The following CMSS1 variants were observed in gnomAD, a reference collection of about 807,000 sequenced individuals.
The protein encoded by CMSS1 is cms1 ribosomal small subunit homolog, also known as protein CMSS1.
A neutral mutation model predicts 43.5 loss-of-function variants in CMSS1; 33 were observed. The observed-to-expected ratio is 0.76, with a 90% CI of 0.57 to 1.01. The LOEUF is 1.01. CMSS1 is among the 50% of genes least tolerant of loss of function. The pLI, the probability that CMSS1 is intolerant of heterozygous loss-of-function variation, is 0.00. For missense variants in CMSS1, 313 were observed against 326.4 expected (o/e 0.96, Z 0.32); for synonymous variants, 115 against 117.2 (o/e 0.98, Z 0.12).
At chr3:99,932,797 C>G (rs1210864911) in intron 1 of CMSS1, among the ~76,000 whole-genome samples, 2 of 152,196 alleles carry the variant, frequency 1.3e-5, no homozygotes, top group South Asian at 2.1e-4. Context: ...AGGCTGAAGC[C>G]CAGGAATTGC....
At chr3:99,981,823 A>G (rs1474922888) in intron 1 of CMSS1, among the ~76,000 whole-genome samples, 1 of 152,174 alleles carries the variant, frequency 6.6e-6, no homozygotes, top group Non-Finnish European at 1.5e-5. Context: ...ATATTAGGGA[A>G]GGTTCGTGAG....
At chr3:99,851,015 T>G in intron 1 of CMSS1, 1 of 1,611,840 alleles carries the variant, frequency 6.2e-7, no homozygotes, top group Non-Finnish European at 8.5e-7. Flanking sequence ...CTTTTCTCCT[T>G]TTCTTGCTCC....
intron 1 of CMSS1, among the ~76,000 whole-genome samples, chr3:100,130,321 G>A (rs1196710278): frequency 1.3e-5 from 2 of 152,182 alleles, no homozygotes; most frequent in Admixed American, 1.3e-4. Flanking sequence ...ATGTTTCAGT[G>A]CACTACGTAG....
chr3:100,178,097 C>T (rs1275314244), intron 9 of CMSS1, among the ~76,000 whole-genome samples: 2 of 152,104 alleles, frequency 1.3e-5, no homozygotes, highest in Non-Finnish European at 2.9e-5. Flanking sequence ...CCAGCATGGG[C>T]AACAGAATGG....
chr3:99,943,114 G>A (rs1486049694), intron 1 of CMSS1, among the ~76,000 whole-genome samples: 1 of 152,128 alleles, frequency 6.6e-6, no homozygotes, highest in African/African-American at 2.4e-5. Flanking sequence ...GGCAAAGCCT[G>A]TTTCTTTAAA....
At position 100,030,545 on chromosome 3, in the gene CMSS1, G is replaced by A. The variant is rs527541359; in HGVS notation, c.65-116428G>A. Among the ~76,000 whole-genome samples, 16 of 152,110 alleles carry A rather than the reference G, an allele frequency of 1.1e-4. No individual in the cohort carries two copies. In the South Asian group the frequency reaches 2.3e-3, roughly 22 times the overall value. On this transcript the variant is annotated intron_variant, in intron 1 of 9. Coordinates refer to ENST00000421999, the MANE Select transcript of CMSS1 (RefSeq NM_032359.4). ...GTCTTTTCTCAGAACCTGTTTTCCCGTTGAGAGCACCTGTTCCAAAGTTGC... is the reference window on the plus strand; with the variant it reads ...GTCTTTTCTCAGAACCTGTTTTCCCATTGAGAGCACCTGTTCCAAAGTTGC...
intron 1 of CMSS1, among the ~76,000 whole-genome samples, chr3:100,130,676 T>C (rs951557389): frequency 1.3e-5 from 2 of 152,210 alleles, no homozygotes; most frequent in African/African-American, 4.8e-5. Context: ...TGTTTTGTTG[T>C]AATATAGCTA....
Position 100,116,468 on chromosome 3 carries a change from A to G in CMSS1, c.65-30505A>G, listed in dbSNP as rs551156769. Among the ~76,000 whole-genome samples, 3 of 152,274 alleles carry G rather than the reference A, an allele frequency of 2.0e-5. No individual in the cohort carries two copies. The South Asian group carries it at 6.2e-4, about 32-fold the overall frequency. ...TGGCACAAGAAAATGTTCCATAAGCATCTTGTACTTTCTGTGCCCAACTCT... is the reference window on the plus strand; with the variant it reads ...TGGCACAAGAAAATGTTCCATAAGCGTCTTGTACTTTCTGTGCCCAACTCT... On this transcript the variant is annotated intron_variant, in intron 1 of 9. Transcript: ENST00000421999.
intron 1 of CMSS1, among the ~76,000 whole-genome samples, chr3:100,113,138 A>G (rs1332094310): frequency 6.6e-6 from 1 of 152,244 alleles, no homozygotes; most frequent in Non-Finnish European, 1.5e-5. Flanking sequence ...GAATAAAGAA[A>G]GATATGTAAT....
intron 1 of CMSS1, among the ~76,000 whole-genome samples, chr3:99,933,780 A>G (rs1380743323): frequency 6.6e-6 from 1 of 152,236 alleles, no homozygotes; most frequent in Non-Finnish European, 1.5e-5. Flanking sequence ...TTCATGTCTC[A>G]CATGGCGTAT....
chr3:100,062,339 C>T (rs2065587124), intron 1 of CMSS1, among the ~76,000 whole-genome samples: 1 of 151,932 alleles, frequency 6.6e-6, no homozygotes, highest in African/African-American at 2.4e-5. Context: ...TCTCGATCTC[C>T]TGACCTCGCG....
At chr3:99,952,333 T>C (rs1708201986) in intron 1 of CMSS1, among the ~76,000 whole-genome samples, 1 of 152,180 alleles carries the variant, frequency 6.6e-6, no homozygotes, top group South Asian at 2.1e-4. Flanking sequence ...ATGAGCAAAT[T>C]ATCACTATAC....
intron 1 of CMSS1, among the ~76,000 whole-genome samples, chr3:99,878,322 A>G (rs1306768586): frequency 6.6e-6 from 1 of 152,192 alleles, no homozygotes; most frequent in African/African-American, 2.4e-5. Flanking sequence ...AATCTTCACA[A>G]CACATTTTGA....
In CMSS1 at chr3:100,178,374, C is replaced by T. The variant is rs373998301; in HGVS notation, c.826C>T (p.Leu276=). The T allele has an allele frequency of 6.2e-7, 1 of 1,611,114 alleles. No individual in the cohort carries two copies. Among genetic ancestry groups the T allele is most frequent in the Non-Finnish European group, 8.5e-7 (1 of 1,177,456 alleles). Residue 276 remains leucine, a synonymous_variant, in exon 10 of 10, where the codon CTG becomes TTG. Transcript: ENST00000421999. ...LSLCKSESLK[L]GLF is the part of the protein sequence containing the mutation. The stretch of plus-strand genomic sequence containing the variant: ...TCTGTGCAAGTCAGAATCCTTGAAA[C>T]TGGGCCTTTTCTAAGTCTGTGTCCT...
chr3:100,042,471 C>G (rs1390145249), intron 1 of CMSS1, among the ~76,000 whole-genome samples: 5 of 152,310 alleles, frequency 3.3e-5, no homozygotes, highest in Admixed American at 2.0e-4. Flanking sequence ...GCTACAAGAT[C>G]TTTGTGCACC....
At chr3:99,875,600 C>G (rs1022665680) in intron 1 of CMSS1, among the ~76,000 whole-genome samples, 1 of 152,080 alleles carries the variant, frequency 6.6e-6, no homozygotes, top group Non-Finnish European at 1.5e-5. Context: ...AGATGTATTC[C>G]TAACAGTGTT....
At chr3:100,102,693 C>T (rs2066330561) in intron 1 of CMSS1, among the ~76,000 whole-genome samples, 1 of 152,218 alleles carries the variant, frequency 6.6e-6, no homozygotes, top group Non-Finnish European at 1.5e-5. Flanking sequence ...CCGTGTTTGA[C>T]TAAATTCATG....
At chr3:99,946,706 CGTG>C (rs1250648641) in intron 1 of CMSS1, among the ~76,000 whole-genome samples, 3 of 152,140 alleles carry the variant, frequency 2.0e-5, no homozygotes, top group South Asian at 2.1e-4. Flanking sequence ...TGTAGTTTAA[CGTG>C]GTGGTGGCTA....
intron 1 of CMSS1, among the ~76,000 whole-genome samples, chr3:99,838,755 G>A (rs1160875003): frequency 1.3e-5 from 2 of 152,202 alleles, no homozygotes; most frequent in Non-Finnish European, 2.9e-5. Context: ...ATATGTCAGA[G>A]TTTTAATCTA....
Sources: allele counts gnomAD v4.1 joint callset (sites outside exome capture counted in the v4.1 genomes callset), GRCh38; gene constraint gnomAD v4.1.1; transcripts MANE v1.5; gene names NCBI Gene and HGNC (gene_info 2026-07-23, HGNC 2026-07-21).